Variants in SLC47A2 observed in about 807,000 individuals in gnomAD.
The protein encoded by SLC47A2 is solute carrier family 47 member 2.
In SLC47A2, 52 loss-of-function variants were observed where a neutral mutation model predicts 67.7. The observed-to-expected ratio is 0.77, with a 90% CI of 0.61 to 0.97. The LOEUF (loss-of-function observed/expected upper bound fraction) is 0.97. Ranked by LOEUF, SLC47A2 falls within the 50% of genes least tolerant of loss-of-function variation. The pLI is 0.00. For synonymous variants in SLC47A2, 278 were observed against 292.9 expected (o/e 0.95, Z 0.52); for missense variants, 676 against 712.3 (o/e 0.95, Z 0.58).
At chr17:19,697,360 T>C (rs1362015880) in intron 13 of SLC47A2, among the ~76,000 whole-genome samples, 3 of 152,128 alleles carry the variant, frequency 2.0e-5, no homozygotes, top group East Asian at 3.9e-4. Flanking sequence ...GGGCACACTT[T>C]GGGAGACTGA....
upstream of SLC47A2, chr17:19,717,287 G>GC (rs2086288664): frequency 6.6e-6 from 1 of 152,374 alleles, no homozygotes; most frequent in African/African-American, 2.4e-5. Context: ...ATGCACGCCA[G>GC]TCACTGTGCC....
At chr17:19,714,045 G>A in intron 3 of SLC47A2, 72 bp from the exon 4 acceptor site, 1 of 1,530,774 alleles carries the variant, frequency 6.5e-7, no homozygotes, top group East Asian at 2.3e-5. Context: ...GCGGGGAGCG[G>A]GCTGTCAGCG....
At chr17:19,697,014 A>C (rs1398783576) in intron 13 of SLC47A2, among the ~76,000 whole-genome samples, 1 of 152,216 alleles carries the variant, frequency 6.6e-6, no homozygotes, top group East Asian at 1.9e-4. Flanking sequence ...CATTAAGGCC[A>C]GGCGTGGTGG....
At chr17:19,684,554 G>C (rs2085379467) in intron 13 of SLC47A2, among the ~76,000 whole-genome samples, 1 of 151,902 alleles carries the variant, frequency 6.6e-6, no homozygotes, top group Non-Finnish European at 1.5e-5. Context: ...GAAGTAAAAG[G>C]ATAAGAATGT....
intron 13 of SLC47A2, among the ~76,000 whole-genome samples, chr17:19,689,092 A>C (rs926120896): frequency 7.3e-5 from 11 of 151,680 alleles, no homozygotes; most frequent in Non-Finnish European, 1.6e-4. Flanking sequence ...CTTTTTGGAG[A>C]GATAGGGTCT....
At chr17:19,699,964 G>A (rs141159629) in intron 13 of SLC47A2, among the ~76,000 whole-genome samples, 6 of 152,168 alleles carry the variant, frequency 3.9e-5, no homozygotes, top group South Asian at 2.1e-4. Flanking sequence ...AAGCAGTGAC[G>A]CATGCTGCAG....
chr17:19,715,375 A>G (rs572752671), intron 1 of SLC47A2, among the ~76,000 whole-genome samples, 158 bp from the exon 2 acceptor site: 1 of 152,254 alleles, frequency 6.6e-6, no homozygotes, highest in Admixed American at 6.5e-5. Context: ...GACCTAGCCC[A>G]GCTCCCATTC....
chr17:19,695,523 A>G (rs1288877174), intron 13 of SLC47A2, among the ~76,000 whole-genome samples: 4 of 150,946 alleles, frequency 2.6e-5, no homozygotes, highest in Admixed American at 2.0e-4. Context: ...AGCAAAAAAA[A>G]AAAAAAGAAA....
intron 13 of SLC47A2, among the ~76,000 whole-genome samples, chr17:19,686,894 CAG>C (rs2085441359): frequency 6.6e-6 from 1 of 152,166 alleles, no homozygotes. Flanking sequence ...ATCATCCAGA[CAG>C]AAGGTCAACA....
At position 19,678,587 on chromosome 17, in the gene SLC47A2, A is replaced by T; in HGVS notation, c.*99T>A. The T allele has an allele frequency of 7.9e-7, 1 of 1,265,890 alleles. No individual in the cohort carries two copies. The highest frequency in any genetic ancestry group is 1.5e-5 in the African/African-American group (1 of 67,990). The allele number at this position is 1,265,890 out of a possible 1,614,324, so 78.4% of individuals were successfully genotyped here. A position where few individuals can be genotyped will look rare whatever the true frequency, so the allele number is the denominator to read the frequency against. ...TTTTGAGGAGTGGTTCAAAGTGTCCACCTGCACTAGACCCCATTGGTGTTT... is the reference window on the plus strand; with the variant it reads ...TTTTGAGGAGTGGTTCAAAGTGTCCTCCTGCACTAGACCCCATTGGTGTTT... On this transcript the variant is annotated 3_prime_UTR_variant, in exon 17 of 17. Coordinates refer to ENST00000433844, the MANE Select transcript of SLC47A2 (RefSeq NM_001099646.3).
At chr17:19,683,123 C>T (rs2085350662) in intron 13 of SLC47A2, among the ~76,000 whole-genome samples, 1 of 152,116 alleles carries the variant, frequency 6.6e-6, no homozygotes, top group Non-Finnish European at 1.5e-5. Flanking sequence ...ATGGCATGAT[C>T]TTTTTTGGCT....
chr17:19,699,938 G>A (rs2085748500), intron 13 of SLC47A2, among the ~76,000 whole-genome samples: 3 of 152,112 alleles, frequency 2.0e-5, no homozygotes, highest in Admixed American at 2.0e-4. Flanking sequence ...GGAACTACTC[G>A]GTAATAAAAG....
intron 13 of SLC47A2, among the ~76,000 whole-genome samples, chr17:19,682,329 TCACACACACACACA>T (rs376421449): frequency 6.3e-5 from 9 of 143,784 alleles, no homozygotes; most frequent in African/African-American, 2.1e-4. Flanking sequence ...CGAGACTTGG[TCACACACACACACA>T]CACACACACA....
chr17:19,682,156 A>C (rs1388402224), intron 13 of SLC47A2, among the ~76,000 whole-genome samples: 1 of 152,204 alleles, frequency 6.6e-6, no homozygotes, highest in African/African-American at 2.4e-5. Flanking sequence ...ACTTGAGGTC[A>C]GGAGTTCAAG....
chr17:19,700,702 C>T (rs1423241141), intron 13 of SLC47A2, among the ~76,000 whole-genome samples: 1 of 149,374 alleles, frequency 6.7e-6, no homozygotes, highest in Non-Finnish European at 1.5e-5. Context: ...GTGGTCGAGG[C>T]TGCAGTGAGC....
intron 9 of SLC47A2, 78 bp downstream of exon 9, chr17:19,706,570 C>A: frequency 8.0e-7 from 1 of 1,251,958 alleles, no homozygotes; most frequent in Non-Finnish European, 1.1e-6. Flanking sequence ...GATGGGTGAG[C>A]CGCCATCCTG....
intron 13 of SLC47A2, among the ~76,000 whole-genome samples, chr17:19,690,517 T>C (rs1184689660): frequency 6.6e-6 from 1 of 152,104 alleles, no homozygotes; most frequent in African/African-American, 2.4e-5. Flanking sequence ...ATTTGCAAAC[T>C]ATCAATCTGA....
chr17:19,688,738 A>T (rs1312574412), intron 13 of SLC47A2, among the ~76,000 whole-genome samples: 1 of 152,008 alleles, frequency 6.6e-6, no homozygotes, highest in Non-Finnish European at 1.5e-5. Context: ...TATTTTTTTT[A>T]GTAGAAACAA....
upstream of SLC47A2, chr17:19,718,755 G>T (rs1171987855): frequency 6.6e-6 from 1 of 152,432 alleles, no homozygotes; most frequent in African/African-American, 2.4e-5. Context: ...GGCAAAGGTG[G>T]TGCAGGCAGA....
Sources: gnomAD v4.1 joint callset for allele counts (sites outside exome capture counted in the v4.1 genomes callset) on GRCh38, gnomAD v4.1.1 for gene constraint, MANE v1.5 for transcripts, NCBI Gene and HGNC (gene_info 2026-07-23, HGNC 2026-07-21) for gene names.